Variants in MAP6 observed in about 807,000 individuals in gnomAD.
MAP6 encodes the protein microtubule-associated protein 6.
MAP6 carries 26 observed loss-of-function variants against 42.4 expected under a neutral mutation model. The observed-to-expected ratio is 0.61, with a 90% CI of 0.45 to 0.85. The LOEUF (loss-of-function observed/expected upper bound fraction) is 0.85, where lower values mean the gene tolerates loss of function less well. Among genes scored for constraint, MAP6 ranks in the 40% least tolerant of loss-of-function variants. MAP6 has a pLI of 0.00. For missense variants in MAP6, 966 were observed against 1,099.0 expected (o/e 0.88, Z 1.71); for synonymous variants, 418 against 443.8 (o/e 0.94, Z 0.73).
chr11:75,610,315 C>T (rs901128902), intron 1 of MAP6, among the ~76,000 whole-genome samples: 1 of 152,232 alleles, frequency 6.6e-6, no homozygotes, highest in Non-Finnish European at 1.5e-5. Context: ...GTTTTCCCTG[C>T]CAAAAATTAT....
chr11:75,665,384 G>C (rs1943929945), intron 1 of MAP6, among the ~76,000 whole-genome samples: 1 of 152,222 alleles, frequency 6.6e-6, no homozygotes, highest in Non-Finnish European at 1.5e-5. Context: ...AGCAAGTCCT[G>C]CCAACTTGAA....
Position 75,667,954 on chromosome 11 carries a change from G to T in MAP6, c.416C>A (p.Pro139Gln). ...GTCGGAGGGCTGGTATTCGCTGCGC[G>T]GCCGGCAGCTGGGCTCGGGCCGCTG... ...KVQRPEPSCR[P>Q]RSEYQPSDAP... The change falls in exon 1 of 4, where the codon CCG becomes CAG. Residue 139 changes from proline (P) to glutamine (Q), a missense_variant. By Grantham distance (76) the Pro-to-Gln change is moderately conservative. Coordinates refer to ENST00000304771, the MANE Select transcript of MAP6 (RefSeq NM_033063.2). The surrounding 1 kb of genome is among the most constrained non-coding windows in gnomAD (Gnocchi z 5.6). The T allele has an allele frequency of 3.0e-6, 4 of 1,338,346 alleles. No homozygotes were observed. The highest frequency in any genetic ancestry group is 3.9e-6 in the Non-Finnish European group (4 of 1,038,518). 82.9% of individuals were successfully genotyped at this position (1,338,346 alleles called of 1,614,324 possible). A position where few individuals can be genotyped will look rare whatever the true frequency, so the allele number is the denominator to read the frequency against.
chr11:75,591,405 C>T (rs1942474625), intron 3 of MAP6, among the ~76,000 whole-genome samples: 2 of 152,200 alleles, frequency 1.3e-5, no homozygotes, highest in South Asian at 4.1e-4. Context: ...GCAAGGGCAC[C>T]GTGAAATCCT....
At chr11:75,657,999 G>A (rs1013080853) in intron 1 of MAP6, among the ~76,000 whole-genome samples, 2 of 152,154 alleles carry the variant, frequency 1.3e-5, no homozygotes, top group African/African-American at 4.8e-5. Context: ...CATCTTTGCA[G>A]GGGGGATTAT....
intron 1 of MAP6, among the ~76,000 whole-genome samples, chr11:75,619,284 C>T (rs988446268): frequency 6.6e-6 from 1 of 152,122 alleles, no homozygotes; most frequent in Admixed American, 6.5e-5. Context: ...AAATAGAAAA[C>T]CTGAATAAAC....
intron 1 of MAP6, among the ~76,000 whole-genome samples, chr11:75,652,985 C>T (rs929653807): frequency 2.0e-5 from 3 of 152,278 alleles, no homozygotes; most frequent in African/African-American, 7.2e-5. Flanking sequence ...TCCTTTTCCT[C>T]CTCTTACTTC....
intron 1 of MAP6, among the ~76,000 whole-genome samples, chr11:75,634,091 G>A (rs781541791): frequency 5.3e-5 from 8 of 152,154 alleles, no homozygotes; most frequent in Non-Finnish European, 1.2e-4. Flanking sequence ...CAGTAGCTGC[G>A]TCCCCATCCC....
chr11:75,587,037 T>C lies in MAP6; in HGVS notation c.*22A>G, dbSNP rs1026409808. The C allele has an allele frequency of 6.5e-7, 1 of 1,537,530 alleles. No individual in the cohort carries two copies. The highest frequency in any genetic ancestry group is 8.7e-7 in the Non-Finnish European group (1 of 1,143,722). On this transcript the variant is annotated 3_prime_UTR_variant, in exon 4 of 4. Coordinates refer to ENST00000304771, the MANE Select transcript of MAP6 (RefSeq NM_033063.2). ...AGCACTCTCACTGTCAGCTCCTTCA[T>C]TGGTGTGTCAAGGGGTGAGTGTCAA...
chr11:75,637,804 G>GGAGA (rs1943392026), intron 1 of MAP6, among the ~76,000 whole-genome samples: 1 of 144,512 alleles, frequency 6.9e-6, no homozygotes, highest in South Asian at 2.4e-4. Context: ...AGGAAGAAAG[G>GGAGA]GAGAGAGGGA....
intron 3 of MAP6, among the ~76,000 whole-genome samples, chr11:75,588,411 T>G (rs945989909): frequency 6.6e-6 from 1 of 152,068 alleles, no homozygotes; most frequent in Non-Finnish European, 1.5e-5. Flanking sequence ...TGCTTGCCAA[T>G]TGATTATAAC....
At chr11:75,660,084 A>G (rs1290086446) in intron 1 of MAP6, among the ~76,000 whole-genome samples, 3 of 152,188 alleles carry the variant, frequency 2.0e-5, no homozygotes, top group African/African-American at 7.2e-5. Context: ...GGTTTCCATG[A>G]CAAGTTTCTC....
intron 3 of MAP6, among the ~76,000 whole-genome samples, chr11:75,590,741 CAGATCA>C (rs1189949389): frequency 3.3e-5 from 5 of 152,076 alleles, no homozygotes; most frequent in African/African-American, 1.2e-4. Context: ...CCGAGGCGGG[CAGATCA>C]CTTGTGGTCA....
At chr11:75,628,539 T>C (rs1943234609) in intron 1 of MAP6, among the ~76,000 whole-genome samples, 1 of 152,174 alleles carries the variant, frequency 6.6e-6, no homozygotes, top group African/African-American at 2.4e-5. Flanking sequence ...GACAGGGCAG[T>C]AGAAGCCCAC....
At chr11:75,597,090 C>A (rs1210642749) in intron 3 of MAP6, 1 of 152,210 alleles carries the variant, frequency 6.6e-6, no homozygotes, top group Non-Finnish European at 1.5e-5. Context: ...GGGAGTGACA[C>A]CTGCAGACTC....
At chr11:75,594,683 G>A (rs1164627645) in intron 3 of MAP6, 1 of 152,222 alleles carries the variant, frequency 6.6e-6, no homozygotes, top group Non-Finnish European at 1.5e-5. Flanking sequence ...CACATGGCTG[G>A]TGTAGCTTCT....
intron 1 of MAP6, among the ~76,000 whole-genome samples, chr11:75,616,678 A>G (rs1942999538): frequency 6.6e-6 from 1 of 152,194 alleles, no homozygotes; most frequent in Non-Finnish European, 1.5e-5. Context: ...GTAGTGGAAG[A>G]TTGCTTTCTC....
At chr11:75,602,764 G>A (rs901956659) in intron 3 of MAP6, 39 of 913,744 alleles carry the variant, frequency 4.3e-5, no homozygotes, top group Non-Finnish European at 5.0e-5. Flanking sequence ...GAAGACTGCA[G>A]GGCACAGCTC....
chr11:75,604,642 C>T (rs932479452), intron 3 of MAP6: 31 of 985,172 alleles, frequency 3.1e-5, no homozygotes, highest in Non-Finnish European at 3.4e-5. Context: ...TACAACACAA[C>T]TCTAGCACAG....
intron 3 of MAP6, among the ~76,000 whole-genome samples, chr11:75,598,593 T>C (rs1190814843): frequency 6.6e-6 from 1 of 152,220 alleles, no homozygotes; most frequent in East Asian, 1.9e-4. Flanking sequence ...GCCCCTTTCA[T>C]GGGAGCAGAG....
Sources: gnomAD v4.1 joint callset for allele counts (sites outside exome capture counted in the v4.1 genomes callset) on GRCh38, gnomAD v4.1.1 for gene constraint, Gnocchi (gnomAD v3.1) non-coding constraint, MANE v1.5 for transcripts, NCBI Gene and HGNC (gene_info 2026-07-23, HGNC 2026-07-21) for gene names.